CACNA1B: variants seen among roughly 807,000 people sequenced by gnomAD.
The protein encoded by CACNA1B is calcium voltage-gated channel subunit alpha1 B.
A neutral mutation model predicts 247.2 loss-of-function variants in CACNA1B; 70 were observed. The observed-to-expected ratio is 0.28, with a 90% confidence interval of 0.23 to 0.35. The LOEUF (loss-of-function observed/expected upper bound fraction) is 0.35, where lower values mean the gene tolerates loss of function less well. Among genes scored for constraint, CACNA1B ranks in the 10% least tolerant of loss-of-function variants. The pLI is 1.00. For synonymous variants in CACNA1B, 1,231 were observed against 1,294.4 expected (o/e 0.95, Z 1.05); for missense variants, 2,367 against 3,197.4 (o/e 0.74, Z 6.26).
chr9:137,934,910 A>G (rs1957647735), intron 6 of CACNA1B, among the ~76,000 whole-genome samples: 1 of 152,196 alleles, frequency 6.6e-6, no homozygotes, highest in Non-Finnish European at 1.5e-5. Flanking sequence ...ACAATATGAC[A>G]AAACAAGGTT....
chr9:137,949,046 G>GCACGTCTGGCATA, intron 6 of CACNA1B, among the ~76,000 whole-genome samples: 1 of 135,134 alleles, frequency 7.4e-6, no homozygotes, highest in South Asian at 2.6e-4. Context: ...TGTGGTGTGT[G>GCACGTCTGGCATA]TGTGGGTGTG....
At chr9:138,043,550 A>G (rs1959155862) in intron 20 of CACNA1B, among the ~76,000 whole-genome samples, 1 of 152,114 alleles carries the variant, frequency 6.6e-6, no homozygotes, top group Non-Finnish European at 1.5e-5. Context: ...TGGTGCAGCA[A>G]GAGGTGAGGA....
In CACNA1B at chr9:137,880,685, G is replaced by T. The variant is rs953058714; in HGVS notation, c.390+1526G>T. ...GTTGGGAAAACTGCAGAACATGCCCGCCCTGAGCCAGCCTAGAGGTCTGGG... is the reference window on the plus strand; with the variant it reads ...GTTGGGAAAACTGCAGAACATGCCCTCCCTGAGCCAGCCTAGAGGTCTGGG... On this transcript the variant is annotated intron_variant, in intron 2 of 46. Coordinates refer to ENST00000371372, the MANE Select transcript of CACNA1B (RefSeq NM_000718.4). This position sits in a 1 kb window ranked among gnomAD's most constrained non-coding sequence, Gnocchi z 4.8. Among the ~76,000 whole-genome samples the T allele has an allele frequency of 6.6e-6, 1 of 152,156 alleles. No homozygotes were observed. The highest frequency in any genetic ancestry group is 1.5e-5 in the Non-Finnish European group (1 of 68,000).
chr9:137,927,340 A>G (rs1957563131), intron 6 of CACNA1B, among the ~76,000 whole-genome samples: 1 of 151,554 alleles, frequency 6.6e-6, no homozygotes, highest in African/African-American at 2.4e-5. Context: ...CTCCTGCCTC[A>G]GCCTCCTGAG....
chr9:138,105,646 G>A (rs1484412869), intron 38 of CACNA1B, 53 bp from the exon 39 acceptor site: 2 of 967,766 alleles, frequency 2.1e-6, no homozygotes, highest in African/African-American at 1.6e-5. Context: ...GTAGTCTTGG[G>A]GTGGGGGGTG....
rs766500732 is a variant in CACNA1B at position 138,058,036 on chromosome 9, C to T, written c.4107-13C>T. 4 of 1,611,032 alleles carry T rather than the reference C, an allele frequency of 2.5e-6. No individual in the cohort carries two copies. Among genetic ancestry groups the T allele is most frequent in the Admixed American group, 1.7e-5 (1 of 60,004 alleles). On this transcript the variant is annotated splice_polypyrimidine_tract_variant and intron_variant, in intron 27 of 46. Transcript: ENST00000371372. This position sits in a 1 kb window ranked among gnomAD's most constrained non-coding sequence, Gnocchi z 4.7. The stretch of plus-strand genomic sequence containing the variant: ...TGGGGGTTCCCCTGACACTTGCTCT[C>T]CTCTTTGCCCAGGGTGCTGAAACAC...
chr9:138,112,383 A>G lies in CACNA1B; in HGVS notation c.5429-15A>G, dbSNP rs201003603. The G allele has an allele frequency of 4.7e-5, 75 of 1,596,232 alleles. No individual in the cohort carries two copies. The highest frequency in any genetic ancestry group is 3.3e-4 in the Middle Eastern group (2 of 6,056). ...TCTCTGTCTTTTCCCCTTCCCCACC[A>G]TCATCCTGGTGCAGCTGGGACAAAG... On this transcript the variant is annotated splice_polypyrimidine_tract_variant and intron_variant, in intron 39 of 46. Transcript: ENST00000371372.
At position 138,059,718 on chromosome 9, in the gene CACNA1B, T is replaced by G; in HGVS notation, c.4649T>G (p.Ile1550Ser). 6.2e-7 allele frequency: 1 copy of G among 1,601,794 alleles called. No individual in the cohort carries two copies. Among genetic ancestry groups the G allele is most frequent in the Non-Finnish European group, 8.6e-7 (1 of 1,168,714 alleles). ...ACTGTGTTGGGAAGTATTACTGATA[T>G]TTTAGTAACAGAGATTGCGGTAAGT... Reference protein sequence around the residue: ...FVTVLGSITDILVTEIAETNN... With the variant: ...FVTVLGSITDSLVTEIAETNN... Residue 1550 changes from isoleucine (I) to serine (S), a missense_variant, in exon 31 of 47, where the codon ATT becomes AGT. This residue lies in a region of CACNA1B where 436 missense variants were observed against 679.5 expected (regional missense o/e 0.64). Transcript: ENST00000371372. The surrounding 1 kb of genome is among the most constrained non-coding windows in gnomAD (Gnocchi z 4.2).
intron 35 of CACNA1B, among the ~76,000 whole-genome samples, chr9:138,076,336 C>T (rs551144735): frequency 1.9e-4 from 29 of 152,122 alleles, no homozygotes; most frequent in Non-Finnish European, 2.2e-4. Context: ...TTGGTGGGAT[C>T]GAGGGCAGTA....
chr9:138,057,440 C>T lies in CACNA1B; in HGVS notation c.3969-292C>T, dbSNP rs903503730. Among the ~76,000 whole-genome samples, 2 of 152,288 alleles carry T rather than the reference C, an allele frequency of 1.3e-5. No homozygotes were observed. Among genetic ancestry groups the T allele is most frequent in the South Asian group, 2.1e-4 (1 of 4,818 alleles). On this transcript the variant is annotated intron_variant, in intron 26 of 46. Coordinates refer to ENST00000371372, the MANE Select transcript of CACNA1B (RefSeq NM_000718.4). This position sits in a 1 kb window ranked among gnomAD's most constrained non-coding sequence, Gnocchi z 4.0. ...GTTGCTCATGATTTTGGTGTCACAT[C>T]TAAGGCTCCATTCCCAGATTCGAGG...
chr9:138,068,048 A>T (rs755191414), intron 31 of CACNA1B, among the ~76,000 whole-genome samples: 6 of 152,222 alleles, frequency 3.9e-5, no homozygotes, highest in Non-Finnish European at 4.4e-5. Context: ...TTCCAGTGAC[A>T]TCAGCACAGT....
In CACNA1B at chr9:137,916,078, G is replaced by C. The variant is rs538780590; in HGVS notation, c.776-1163G>C. ...GACGGAGTCTCACTCTGTTGCCCAG[G>C]CTGGGGGGCAGTGGTGCAATCTCGG... is the stretch of plus-strand genomic sequence containing the variant. On this transcript the variant is annotated intron_variant, in intron 5 of 46. Coordinates refer to ENST00000371372, the MANE Select transcript of CACNA1B (RefSeq NM_000718.4). Among the ~76,000 whole-genome samples, 455 of 149,708 alleles carry C rather than the reference G, an allele frequency of 3.0e-3. 1 individual carries two copies. Among genetic ancestry groups the C allele is most frequent in the Non-Finnish European group, 5.7e-3 (385 of 67,726 alleles).
chr9:138,111,810 T>C (rs1961644160), intron 39 of CACNA1B, among the ~76,000 whole-genome samples: 1 of 151,116 alleles, frequency 6.6e-6, no homozygotes. Context: ...CGGGGGCTCC[T>C]TTTACCTTCA....
At chr9:138,056,529 A>G (rs541310541) in intron 26 of CACNA1B, among the ~76,000 whole-genome samples, 1 of 152,200 alleles carries the variant, frequency 6.6e-6, no homozygotes, top group Non-Finnish European at 1.5e-5. Context: ...ATGCTGTTGT[A>G]TACATTTATG....
At chr9:137,926,667 T>C (rs957119735) in intron 6 of CACNA1B, among the ~76,000 whole-genome samples, 1 of 152,250 alleles carries the variant, frequency 6.6e-6, no homozygotes, top group African/African-American at 2.4e-5. Context: ...GGAATACACA[T>C]GCATTTCCAT....
At chr9:138,032,168 T>A (rs1235945712) in intron 20 of CACNA1B, among the ~76,000 whole-genome samples, 1 of 152,160 alleles carries the variant, frequency 6.6e-6, no homozygotes, top group African/African-American at 2.4e-5. Flanking sequence ...ATAGGTTTTT[T>A]AAGACCTCGT....
chr9:138,117,316 A>C lies in CACNA1B; in HGVS notation c.5778-630A>C, dbSNP rs550609731. Among the ~76,000 whole-genome samples the C allele has an allele frequency of 2.0e-5, 3 of 151,974 alleles. No homozygotes were observed. The South Asian group carries it at 6.3e-4, about 32-fold the overall frequency. On this transcript the variant is annotated intron_variant, in intron 42 of 46. Transcript: ENST00000371372. ...GGGGTCAGAGAAGTAAGGAGGAGCC[A>C]CCAGCAAGGGACCCCTGAGGGAGGA...
rs1589072588 is a variant in CACNA1B, at chr9:138,020,584, T to G, written c.2268-2427T>G. Among the ~76,000 whole-genome samples, 1 of 152,082 alleles carries G rather than the reference T, an allele frequency of 6.6e-6. No homozygotes were observed. Among genetic ancestry groups the G allele is most frequent in the Non-Finnish European group, 1.5e-5 (1 of 68,006 alleles). ...GTGGTGCTGGCCGAGTGAGGGCAGA[T>G]GCAGACAGTCTCTGGTGACGTTAGG... On this transcript the variant is annotated intron_variant, in intron 18 of 46. Coordinates refer to ENST00000371372, the MANE Select transcript of CACNA1B (RefSeq NM_000718.4). This position sits in a 1 kb window ranked among gnomAD's most constrained non-coding sequence, Gnocchi z 4.1.
chr9:137,950,445 G>A lies in CACNA1B; in HGVS notation c.967-1829G>A, dbSNP rs1447703311. Among the ~76,000 whole-genome samples, 1 of 152,230 alleles carries A rather than the reference G, an allele frequency of 6.6e-6. No homozygotes were observed. Among genetic ancestry groups the A allele is most frequent in the Admixed American group, 6.5e-5 (1 of 15,284 alleles). On this transcript the variant is annotated intron_variant, in intron 6 of 46. Transcript: ENST00000371372. This position sits in a 1 kb window ranked among gnomAD's most constrained non-coding sequence, Gnocchi z 4.8. Reference sequence around the variant, plus strand: ...GGAGGTGGGCTTGGGCTGGGGGGCCGTGATAACCCCTGCTGAGGAGGAACG... The same window carrying A: ...GGAGGTGGGCTTGGGCTGGGGGGCCATGATAACCCCTGCTGAGGAGGAACG...
Sources: allele counts gnomAD v4.1 joint callset (sites outside exome capture counted in the v4.1 genomes callset), GRCh38; gene constraint gnomAD v4.1.1; regional missense constraint gnomAD v4.1.1; non-coding constraint Gnocchi (gnomAD v3.1); transcripts MANE v1.5; gene names NCBI Gene and HGNC (gene_info 2026-07-23, HGNC 2026-07-21).